Variants in GABRG1 observed in about 807,000 individuals in gnomAD.
GABRG1 encodes the protein gamma-aminobutyric acid receptor subunit gamma-1.
A neutral mutation model predicts 49.8 loss-of-function variants in GABRG1; 49 were observed. The ratio of observed to expected loss-of-function variants is 0.98; its 90% CI spans 0.78 to 1.25. The LOEUF (loss-of-function observed/expected upper bound fraction) is 1.25. Ranked by LOEUF, GABRG1 falls within the 50% of genes most tolerant of loss-of-function variation. The pLI is 0.00. For missense variants in GABRG1, 552 were observed against 552.3 expected, an observed-to-expected ratio of 1.00 and a Z score of 0.01; for synonymous variants, 232 against 185.1, an observed-to-expected ratio of 1.25 and a Z score of -2.06.
chr4:46,064,009 C>T (rs1332423674), intron 5 of GABRG1, among the ~76,000 whole-genome samples: 1 of 151,964 alleles, frequency 6.6e-6, no homozygotes, highest in Middle Eastern at 3.2e-3. Flanking sequence ...ATTTGCTATT[C>T]GTATGGTAAA....
At chr4:46,059,710 G>A (rs1194527556) in intron 5 of GABRG1, among the ~76,000 whole-genome samples, 2 of 152,082 alleles carry the variant, frequency 1.3e-5, no homozygotes, top group Admixed American at 1.3e-4. Flanking sequence ...ACCACGCCTA[G>A]CCACTAGCAT....
chr4:46,099,261 T>C (rs1244647614), intron 1 of GABRG1, among the ~76,000 whole-genome samples: 1 of 151,688 alleles, frequency 6.6e-6, no homozygotes, highest in African/African-American at 2.4e-5. Context: ...TAATGGTATA[T>C]AACTGACATG....
chr4:46,106,080 AG>A (rs879328941), intron 1 of GABRG1, among the ~76,000 whole-genome samples: 7 of 151,478 alleles, frequency 4.6e-5, no homozygotes, highest in African/African-American at 7.3e-5. Context: ...ATCAACAGGC[AG>A]GCTGCTTAAG....
intron 8 of GABRG1, among the ~76,000 whole-genome samples, chr4:46,044,980 A>G (rs1717934012): frequency 6.6e-6 from 1 of 152,122 alleles, no homozygotes; most frequent in Admixed American, 6.6e-5. Context: ...AAGGAATCAG[A>G]TGTCATGCCA....
chr4:46,116,142 T>C (rs899866572), intron 1 of GABRG1, among the ~76,000 whole-genome samples: 1 of 150,946 alleles, frequency 6.6e-6, no homozygotes, highest in African/African-American at 2.4e-5. Flanking sequence ...AAGCAGAGTG[T>C]AGAAAACTAC....
At chr4:46,089,571 C>T (rs1434440458) in intron 2 of GABRG1, among the ~76,000 whole-genome samples, 1 of 152,106 alleles carries the variant, frequency 6.6e-6, no homozygotes, top group Non-Finnish European at 1.5e-5. Context: ...GAGAGGATGT[C>T]TTTTAATCTG....
chr4:46,063,129 A>T (rs1718768648), intron 5 of GABRG1, among the ~76,000 whole-genome samples: 1 of 151,806 alleles, frequency 6.6e-6, no homozygotes, highest in Non-Finnish European at 1.5e-5. Context: ...ATCCCCATCA[A>T]GCTACCAATG....
chr4:46,078,371 A>G (rs1719438108), intron 3 of GABRG1, among the ~76,000 whole-genome samples: 1 of 152,024 alleles, frequency 6.6e-6, no homozygotes, highest in South Asian at 2.1e-4. Flanking sequence ...TCCAGTTAAT[A>G]TAGTAAAATG....
At chr4:46,111,452 A>G (rs1367654216) in intron 1 of GABRG1, among the ~76,000 whole-genome samples, 1 of 151,312 alleles carries the variant, frequency 6.6e-6, no homozygotes, top group Admixed American at 6.6e-5. Context: ...TATTCCTATT[A>G]AGCTAACAAA....
chr4:46,096,848 A>G (rs1407113665), intron 2 of GABRG1, among the ~76,000 whole-genome samples: 1 of 151,724 alleles, frequency 6.6e-6, no homozygotes, highest in Non-Finnish European at 1.5e-5. Context: ...TAATTTTGGA[A>G]ATGAGAATGT....
In GABRG1 at chr4:46,058,221, C is replaced by T. The variant is rs773691921; in HGVS notation, c.912G>A (p.Ser304=). 47 of 1,610,102 alleles carry T rather than the reference C, an allele frequency of 2.9e-5. No individual in the cohort carries two copies. Among genetic ancestry groups the T allele is most frequent in the South Asian group, 8.8e-5 (8 of 90,564 alleles). Residue 304 remains serine, a synonymous_variant, in exon 7 of 9, where the codon TCG becomes TCA. Coordinates refer to ENST00000295452, the MANE Select transcript of GABRG1 (RefSeq NM_173536.4). ...GCATAATATTACATGTCATACCCAA[C>T]GATGTTCTTGCAGGCACTGCATCTT... is the stretch of plus-strand genomic sequence containing the variant. ...INKDAVPART[S]LGITTVLTMT...
In GABRG1 at chr4:46,040,573, C is replaced by CT. The variant is rs1008707127; in HGVS notation, c.*414dup. 3.3e-5 allele frequency: 5 copies of CT among 152,778 alleles called. No individual in the cohort carries two copies. Among genetic ancestry groups the CT allele is most frequent in the African/African-American group, 1.2e-4 (5 of 41,534 alleles). 9.5% of individuals were successfully genotyped at this position (152,778 alleles called of 1,614,324 possible). ...AAGCAAGAAAAAACAAATTAACAGT[C>CT]TTTTTTCTGGCACAAAAGTTGCTAC... On this transcript the variant is annotated 3_prime_UTR_variant, in exon 9 of 9. Transcript: ENST00000295452.
intron 1 of GABRG1, among the ~76,000 whole-genome samples, chr4:46,110,064 CT>C (rs1262032178): frequency 1.3e-5 from 2 of 151,024 alleles, no homozygotes; most frequent in Non-Finnish European, 3.0e-5. Flanking sequence ...TACAGAATTT[CT>C]TTTTTACTTT....
At chr4:46,092,538 G>A (rs1401440984) in intron 2 of GABRG1, among the ~76,000 whole-genome samples, 8 of 151,822 alleles carry the variant, frequency 5.3e-5, no homozygotes, top group Non-Finnish European at 1.2e-4. Context: ...AAGCAATAGA[G>A]AACAAATTAA....
intron 8 of GABRG1, among the ~76,000 whole-genome samples, chr4:46,046,041 TGTA>T (rs1254683250): frequency 3.3e-5 from 5 of 152,116 alleles, no homozygotes; most frequent in African/African-American, 1.2e-4. Flanking sequence ...ATGGTTACAA[TGTA>T]GTTGATTCTG....
In GABRG1 at chr4:46,122,322, A is replaced by C. The variant is rs780819773; in HGVS notation, c.104+1488T>G. ...TTGTTTGAAAGGAAAACTCGTATAA[A>C]ATGATAAAAGGTTGTTATTTCAGAA... On this transcript the variant is annotated intron_variant, in intron 1 of 8. Transcript: ENST00000295452. 2.8e-4 allele frequency among the ~76,000 whole-genome samples: 42 copies of C among 152,264 alleles called. 1 individual carries two copies. Among genetic ancestry groups the C allele is most frequent in the Admixed American group, 1.1e-3 (17 of 15,274 alleles).
chr4:46,097,605 G>A (rs541517323), intron 1 of GABRG1, among the ~76,000 whole-genome samples: 2 of 151,682 alleles, frequency 1.3e-5, no homozygotes, highest in African/African-American at 4.8e-5. Context: ...TCCCACAACT[G>A]TCATTAACAT....
intron 7 of GABRG1, among the ~76,000 whole-genome samples, chr4:46,053,302 T>A (rs957815472): frequency 9.2e-5 from 14 of 151,916 alleles, no homozygotes; most frequent in Non-Finnish European, 1.5e-4. Context: ...GAAAATATTG[T>A]GTGCTCTGAA....
chr4:46,057,246 C>A (rs182537833), intron 7 of GABRG1, among the ~76,000 whole-genome samples: 12 of 152,202 alleles, frequency 7.9e-5, no homozygotes, highest in Admixed American at 2.0e-4. Context: ...CAAGTATAGA[C>A]CCATGTGCCT....
Sources: allele counts gnomAD v4.1 joint callset (sites outside exome capture counted in the v4.1 genomes callset), GRCh38; gene constraint gnomAD v4.1.1; transcripts MANE v1.5; gene names NCBI Gene and HGNC (gene_info 2026-07-23, HGNC 2026-07-21).